Variants in RANBP2 observed in about 807,000 individuals in gnomAD.
RANBP2 encodes RAN binding protein 2.
RANBP2 carries 57 observed loss-of-function variants against 303.6 expected under a neutral mutation model. The observed-to-expected ratio is 0.19, with a 90% CI of 0.15 to 0.23. The LOEUF (loss-of-function observed/expected upper bound fraction) is 0.23. Ranked by LOEUF, RANBP2 falls within the 10% of genes least tolerant of loss-of-function variation. RANBP2 has a pLI of 1.00. For missense variants in RANBP2, 3,138 were observed against 3,780.8 expected, an observed-to-expected ratio of 0.83 and a Z score of 4.46; for synonymous variants, 1,167 against 1,301.5, an observed-to-expected ratio of 0.90 and a Z score of 2.23.
chr2:108,833,665 A>G, the RANBP2 span, among the ~76,000 whole-genome samples: 1 of 152,156 alleles, frequency 6.6e-6, no homozygotes, highest in Non-Finnish European at 1.5e-5. Flanking sequence ...ACATAATAAG[A>G]AACGAAACAA....
the RANBP2 span, among the ~76,000 whole-genome samples, chr2:109,345,908 G>A: frequency 1.3e-5 from 2 of 152,150 alleles, no homozygotes; most frequent in Non-Finnish European, 2.9e-5. Flanking sequence ...TTACATGTTG[G>A]TAGCACCCCA....
At chr2:109,700,018 G>C in the RANBP2 span, among the ~76,000 whole-genome samples, 1 of 152,160 alleles carries the variant, frequency 6.6e-6, no homozygotes, top group Non-Finnish European at 1.5e-5. Context: ...AGTTTTTATG[G>C]CAGGAAGATA....
chr2:109,197,772 C>T, the RANBP2 span, among the ~76,000 whole-genome samples: 1 of 152,344 alleles, frequency 6.6e-6, no homozygotes, highest in African/African-American at 2.4e-5. Flanking sequence ...CTGGCCCTGC[C>T]TGAGGAAGCC....
the RANBP2 span, among the ~76,000 whole-genome samples, chr2:109,131,023 A>T: frequency 2.6e-5 from 4 of 152,192 alleles, no homozygotes; most frequent in Non-Finnish European, 5.9e-5. Flanking sequence ...AAAAAAATAC[A>T]TTATCTATTG....
the RANBP2 span, among the ~76,000 whole-genome samples, chr2:109,216,496 C>T: frequency 6.6e-5 from 10 of 152,196 alleles, no homozygotes; most frequent in East Asian, 1.5e-3. Context: ...TGGCAGTGCA[C>T]GCCCACCTGG....
the RANBP2 span, among the ~76,000 whole-genome samples, chr2:108,926,993 T>G: frequency 6.6e-6 from 1 of 152,060 alleles, no homozygotes; most frequent in Admixed American, 6.5e-5. Context: ...TTGTCTGCAG[T>G]AGAGGGGGCA....
At chr2:109,574,655 G>C in the RANBP2 span, 8 of 1,608,628 alleles carry the variant, frequency 5.0e-6, no homozygotes, top group Admixed American at 1.7e-5. Flanking sequence ...ATGAAGTAGA[G>C]ACACACATGG....
Position 108,753,148 on chromosome 2 carries a change from G to A in RANBP2, c.1906G>A (p.Val636Ile). ...TCCTCTGTTTAAACATTTTCATAGT[G>A]TAGACATTCAGGTAACAGAGTTCCT... is the stretch of plus-strand genomic sequence containing the variant. ...IDPLFKHFHS[V>I]DIQASEIVEY... The change falls in exon 13 of 29, where the codon GTA becomes ATA. Residue 636 changes from valine (V) to isoleucine (I), a missense_variant. Transcript: ENST00000283195. 1.2e-6 allele frequency: 2 copies of A among 1,608,808 alleles called. No homozygotes were observed. The highest frequency in any genetic ancestry group is 2.2e-5 in the East Asian group (1 of 44,756).
At chr2:108,733,258 T>C (rs999062488) in intron 4 of RANBP2, among the ~76,000 whole-genome samples, 2 of 36,810 alleles carry the variant, frequency 5.4e-5, no homozygotes, top group East Asian at 2.8e-4. Flanking sequence ...AACCATTCCC[T>C]TTTTTTTTTT....
At chr2:108,910,551 G>T in the RANBP2 span, 3 of 1,604,882 alleles carry the variant, frequency 1.9e-6, no homozygotes, top group South Asian at 1.1e-5. Flanking sequence ...AAATGGGGAG[G>T]TTGGGGAGAT....
the RANBP2 span, among the ~76,000 whole-genome samples, chr2:109,005,892 G>A: frequency 6.6e-6 from 1 of 152,194 alleles, no homozygotes; most frequent in Non-Finnish European, 1.5e-5. Flanking sequence ...CTGGGGAATG[G>A]TGCCCACCGC....
At chr2:108,776,052 A>G (rs540572945) in intron 24 of RANBP2, 116 bp downstream of exon 24, 1 of 812,084 alleles carries the variant, frequency 1.2e-6, no homozygotes, top group Admixed American at 2.4e-5. Flanking sequence ...TGATATGTAT[A>G]AAGGGGCATC....
the RANBP2 span, chr2:108,907,863 G>A: frequency 2.3e-4 from 372 of 1,613,400 alleles, 1 homozygote; most frequent in East Asian, 5.0e-3. Context: ...GCCTCACCCC[G>A]GCTGACTTGT....
the RANBP2 span, among the ~76,000 whole-genome samples, chr2:108,872,065 T>A: frequency 6.6e-6 from 1 of 152,244 alleles, no homozygotes; most frequent in Admixed American, 6.5e-5. Flanking sequence ...TGAGAATGCC[T>A]GAGGCTTTTA....
At chr2:108,772,261 A>G (rs1677561835) in intron 21 of RANBP2, among the ~76,000 whole-genome samples, 1 of 152,234 alleles carries the variant, frequency 6.6e-6, no homozygotes, top group Non-Finnish European at 1.5e-5. Flanking sequence ...AGTGGTATAT[A>G]GTATTGGGTT....
the RANBP2 span, among the ~76,000 whole-genome samples, chr2:109,566,188 T>G: frequency 2.0e-5 from 3 of 152,128 alleles, no homozygotes; most frequent in Non-Finnish European, 2.9e-5. Context: ...TGACACGATC[T>G]CATCTCACTG....
At chr2:109,599,483 C>T in the RANBP2 span, among the ~76,000 whole-genome samples, 1 of 149,006 alleles carries the variant, frequency 6.7e-6, no homozygotes, top group African/African-American at 2.5e-5. Context: ...AAAAAGAACT[C>T]AAGTGAAATT....
chr2:109,249,517 CT>C, the RANBP2 span, among the ~76,000 whole-genome samples: 4 of 86,996 alleles, frequency 4.6e-5, 1 homozygote, highest in African/African-American at 1.3e-4. Context: ...TTCATTCTTT[CT>C]TTTTCTTTCT....
the RANBP2 span, among the ~76,000 whole-genome samples, chr2:109,184,937 C>A: frequency 1.3e-5 from 2 of 152,158 alleles, no homozygotes; most frequent in Non-Finnish European, 2.9e-5. Flanking sequence ...TATACATTTT[C>A]CATTTATTTC....
Sources: gnomAD v4.1 joint callset for allele counts (sites outside exome capture counted in the v4.1 genomes callset) on GRCh38, gnomAD v4.1.1 for gene constraint, MANE v1.5 for transcripts, NCBI Gene and HGNC (gene_info 2026-07-23, HGNC 2026-07-21) for gene names.